Variants in ERC2 observed in about 807,000 individuals in gnomAD.
The protein encoded by ERC2 is ERC protein 2.
In ERC2, 42 loss-of-function variants were observed where a neutral mutation model predicts 114.8. The observed-to-expected ratio is 0.37, with a 90% CI of 0.29 to 0.47. The LOEUF is 0.47. Ranked by LOEUF, ERC2 falls within the 20% of genes least tolerant of loss-of-function variation. The pLI, the probability that ERC2 is intolerant of heterozygous loss-of-function variation, is 0.99. For synonymous variants in ERC2, 454 were observed against 425.5 expected (o/e 1.07, Z -0.82); for missense variants, 939 against 1,150.7 (o/e 0.82, Z 2.66).
At chr3:56,112,249 G>T (rs1360313365) in intron 6 of ERC2, among the ~76,000 whole-genome samples, 1 of 152,162 alleles carries the variant, frequency 6.6e-6, no homozygotes, top group Non-Finnish European at 1.5e-5. Context: ...CAGAGTGACT[G>T]CATTTTCTTG....
intron 17 of ERC2, among the ~76,000 whole-genome samples, chr3:55,585,176 C>G (rs929219989): frequency 2.6e-5 from 4 of 152,164 alleles, no homozygotes; most frequent in Non-Finnish European, 5.9e-5. Context: ...CTGGCCTGAT[C>G]TAAGACAAAT....
chr3:56,212,534 A>G (rs1190514614), intron 3 of ERC2, among the ~76,000 whole-genome samples: 1 of 152,220 alleles, frequency 6.6e-6, no homozygotes, highest in Non-Finnish European at 1.5e-5. Flanking sequence ...ACCACTGTGG[A>G]AAACAGTGTG....
At chr3:55,776,970 C>A (rs138510920) in intron 14 of ERC2, among the ~76,000 whole-genome samples, 1 of 152,264 alleles carries the variant, frequency 6.6e-6, no homozygotes, top group East Asian at 1.9e-4. Context: ...TTCCTCAACC[C>A]CAATCTTTTC....
chr3:56,325,161 C>T (rs891239370), intron 2 of ERC2, among the ~76,000 whole-genome samples: 2 of 151,856 alleles, frequency 1.3e-5, no homozygotes, highest in East Asian at 3.9e-4. Context: ...AACTATATAC[C>T]CGGCTGGGTG....
chr3:55,678,730 C>T (rs576458138), intron 17 of ERC2, among the ~76,000 whole-genome samples: 17 of 152,240 alleles, frequency 1.1e-4, no homozygotes, highest in Middle Eastern at 3.4e-3. Context: ...TTGGCCAGAG[C>T]GACTGGACAT....
At chr3:55,798,909 AT>A (rs1441763821) in intron 14 of ERC2, among the ~76,000 whole-genome samples, 1 of 152,240 alleles carries the variant, frequency 6.6e-6, no homozygotes, top group African/African-American at 2.4e-5. Flanking sequence ...TTTTTAAAAA[AT>A]AATTTTATAA....
At position 55,799,277 on chromosome 3, in the gene ERC2, C is replaced by T. The variant is rs199731529; in HGVS notation, c.2565-64359G>A. ...TTGACTTCTCTGACTTTGAAGAGGG[C>T]AGTACCTTGATTTACATAGGATAGA... On this transcript the variant is annotated intron_variant, in intron 14 of 17. Coordinates refer to ENST00000288221, the MANE Select transcript of ERC2 (RefSeq NM_015576.3). Among the ~76,000 whole-genome samples the T allele has an allele frequency of 5.9e-5, 9 of 151,524 alleles. No individual in the cohort carries two copies. In the East Asian group the frequency reaches 1.7e-3, roughly 29 times the overall value.
At chr3:56,023,787 G>GAAGGAAGGAAGGAAGGAAGA (rs2149601835) in intron 7 of ERC2, among the ~76,000 whole-genome samples, 1 of 151,820 alleles carries the variant, frequency 6.6e-6, no homozygotes, top group South Asian at 2.1e-4. Flanking sequence ...AGGAAGGAAG[G>GAAGGAAGGAAGGAAGGAAGA]AAGGAAGGAA....
chr3:55,579,990 T>C (rs1321764325), intron 17 of ERC2, among the ~76,000 whole-genome samples: 3 of 152,188 alleles, frequency 2.0e-5, no homozygotes, highest in Non-Finnish European at 2.9e-5. Context: ...ACGGCAGTGG[T>C]GAGGGTTTCA....
At chr3:56,407,975 T>C (rs1448251583) in intron 2 of ERC2, among the ~76,000 whole-genome samples, 1 of 152,210 alleles carries the variant, frequency 6.6e-6, no homozygotes, top group East Asian at 1.9e-4. Context: ...TCTCAACCAG[T>C]GTCCCTAGCA....
chr3:56,072,589 T>C (rs1036647358), intron 7 of ERC2, among the ~76,000 whole-genome samples: 1 of 152,188 alleles, frequency 6.6e-6, no homozygotes, highest in African/African-American at 2.4e-5. Context: ...CTACATTCAA[T>C]CTACATTGAA....
intron 3 of ERC2, among the ~76,000 whole-genome samples, chr3:56,194,102 T>C (rs537131593): frequency 6.6e-6 from 1 of 152,286 alleles, no homozygotes; most frequent in African/African-American, 2.4e-5. Context: ...TCATCTGTTT[T>C]ATTCACTGCT....
chr3:55,812,396 C>T (rs548791230), intron 14 of ERC2, among the ~76,000 whole-genome samples: 14 of 152,290 alleles, frequency 9.2e-5, no homozygotes, highest in Middle Eastern at 3.4e-3. Flanking sequence ...TAATGTGATA[C>T]TCAAAAGAAT....
intron 17 of ERC2, among the ~76,000 whole-genome samples, chr3:55,518,698 AAAAAAAAGTT>A: frequency 1.3e-5 from 2 of 152,294 alleles, no homozygotes; most frequent in Admixed American, 1.3e-4. Context: ...CTAGAAAAGA[AAAAAAAAGTT>A]CATTAAGTAC....
chr3:56,440,692 T>A (rs1388401860), intron 1 of ERC2, among the ~76,000 whole-genome samples: 1 of 152,186 alleles, frequency 6.6e-6, no homozygotes, highest in Admixed American at 6.5e-5. Context: ...TTCCAATTCC[T>A]TTTAAGTGTG....
Position 55,597,333 on chromosome 3 carries a change from C to T in ERC2, c.*40-86057G>A, listed in dbSNP as rs561523038. On this transcript the variant is annotated intron_variant, in intron 17 of 17. Coordinates refer to ENST00000288221, the MANE Select transcript of ERC2 (RefSeq NM_015576.3). ...CACTTGAGAGGCTGAGGCAGGAGAA[C>T]GGCATGAACCCAGGAGGTGGAGCTT... Among the ~76,000 whole-genome samples the T allele has an allele frequency of 6.0e-5, 9 of 150,456 alleles. No homozygotes were observed. The East Asian group carries it at 9.8e-4, about 16-fold the overall frequency.
At chr3:56,072,033 G>A (rs542079156) in intron 7 of ERC2, 4 of 152,164 alleles carry the variant, frequency 2.6e-5, no homozygotes, top group Non-Finnish European at 4.4e-5. Flanking sequence ...GTGATTACTT[G>A]CCCTGTGGAA....
chr3:55,600,456 C>T (rs937731192), intron 17 of ERC2, among the ~76,000 whole-genome samples: 1 of 152,176 alleles, frequency 6.6e-6, no homozygotes, highest in Non-Finnish European at 1.5e-5. Context: ...CATAGAAGTA[C>T]CTCTCTGTCA....
chr3:55,746,877 G>A (rs1463600854), intron 14 of ERC2, among the ~76,000 whole-genome samples: 1 of 152,164 alleles, frequency 6.6e-6, no homozygotes, highest in African/African-American at 2.4e-5. Context: ...CAACCTAGAG[G>A]AGACATTTTG....
Sources: gnomAD v4.1 joint callset for allele counts (sites outside exome capture counted in the v4.1 genomes callset) on GRCh38, gnomAD v4.1.1 for gene constraint, MANE v1.5 for transcripts, NCBI Gene and HGNC (gene_info 2026-07-23, HGNC 2026-07-21) for gene names.